The following EEPD1 variants were observed in gnomAD, a reference collection of about 807,000 sequenced individuals.
EEPD1 encodes the protein endonuclease/exonuclease/phosphatase family domain containing 1, also known as endonuclease/exonuclease/phosphatase family domain-containing protein 1.
Under a neutral mutation model 46.3 loss-of-function variants are expected in EEPD1, and 17 were observed. The ratio of observed to expected loss-of-function variants is 0.37; its 90% CI spans 0.25 to 0.55. EEPD1 has a LOEUF of 0.55. EEPD1 is among the 20% of genes least tolerant of loss of function. The probability of loss-of-function intolerance (pLI) is 0.83; values close to 1 mark genes in which losing one functional copy is unlikely to be tolerated. For missense variants in EEPD1, 673 were observed against 745.6 expected, an observed-to-expected ratio of 0.90 and a Z score of 1.13; for synonymous variants, 313 against 315.6, an observed-to-expected ratio of 0.99 and a Z score of 0.09.
chr7:36,274,882 A>G (rs1312943736), intron 3 of EEPD1, among the ~76,000 whole-genome samples: 1 of 152,102 alleles, frequency 6.6e-6, no homozygotes, highest in African/African-American at 2.4e-5. Context: ...TGCCTCTGTC[A>G]TTTGCCCTGT....
intron 3 of EEPD1, among the ~76,000 whole-genome samples, chr7:36,259,708 G>A (rs1161553850): frequency 1.3e-5 from 2 of 151,722 alleles, no homozygotes; most frequent in South Asian, 2.1e-4. Flanking sequence ...TAGAGACAGG[G>A]TTTCTCTATG....
At chr7:36,263,636 A>G (rs1786966829) in intron 3 of EEPD1, among the ~76,000 whole-genome samples, 1 of 152,226 alleles carries the variant, frequency 6.6e-6, no homozygotes, top group South Asian at 2.1e-4. Flanking sequence ...CTGGAAGAGA[A>G]GATGTCACGT....
chr7:36,154,700 C>T lies in EEPD1; in HGVS notation c.376C>T (p.His126Tyr). Residue 126 changes from histidine (H) to tyrosine (Y), a missense_variant, in exon 2 of 8, where the codon CAC (histidine) becomes TAC (tyrosine). By Grantham distance (83) the His-to-Tyr change is moderately conservative (BLOSUM62 2). Coordinates refer to ENST00000242108, the MANE Select transcript of EEPD1 (RefSeq NM_030636.3). The surrounding 1 kb of genome is among the most constrained non-coding windows in gnomAD (Gnocchi z 4.2). ...CCTGCTAGCGGAGCAGCAGCCTCACCACCTGGCCACAGCTGTGCCCCTCAC... is the reference window on the plus strand; with the variant it reads ...CCTGCTAGCGGAGCAGCAGCCTCACTACCTGGCCACAGCTGTGCCCCTCAC... Reference protein sequence around the residue: ...RDLLAEQQPHHLATAVPLTPR... With the variant: ...RDLLAEQQPHYLATAVPLTPR... 1 of 1,613,860 alleles carries T rather than the reference C, an allele frequency of 6.2e-7. No individual in the cohort carries two copies. Among genetic ancestry groups the T allele is most frequent in the African/African-American group, 1.3e-5 (1 of 75,034 alleles).
chr7:36,229,929 C>G (rs1240862048), intron 2 of EEPD1, among the ~76,000 whole-genome samples: 1 of 152,078 alleles, frequency 6.6e-6, no homozygotes, highest in Non-Finnish European at 1.5e-5. Flanking sequence ...CTCCTGATGT[C>G]CAAATCTATA....
chr7:36,234,849 C>T (rs1786401416), intron 2 of EEPD1, among the ~76,000 whole-genome samples: 1 of 151,948 alleles, frequency 6.6e-6, no homozygotes, highest in Non-Finnish European at 1.5e-5. Flanking sequence ...GACCCACTCC[C>T]TAAACAGCCC....
intron 2 of EEPD1, among the ~76,000 whole-genome samples, chr7:36,214,114 C>G (rs977360074): frequency 3.3e-5 from 5 of 152,062 alleles, no homozygotes; most frequent in Non-Finnish European, 7.4e-5. Flanking sequence ...AAAGAGCAAG[C>G]TGTCTTAGAG....
rs182844353 is a variant in EEPD1, at chr7:36,243,633, T to G, written c.930+4597T>G. On this transcript the variant is annotated intron_variant, in intron 3 of 7. Coordinates refer to ENST00000242108, the MANE Select transcript of EEPD1 (RefSeq NM_030636.3). ...GGGGACCTGCACAGGCCTCCTCTTT[T>G]AAGATGGAAGCTATTCTAAAGGGGC... Among the ~76,000 whole-genome samples, 369 of 152,304 alleles carry G rather than the reference T, an allele frequency of 2.4e-3. 1 individual carries two copies. The highest frequency in any genetic ancestry group is 8.3e-3 in the African/African-American group (345 of 41,568).
chr7:36,261,630 T>A (rs959647533), intron 3 of EEPD1, among the ~76,000 whole-genome samples: 8 of 152,362 alleles, frequency 5.3e-5, no homozygotes, highest in African/African-American at 1.9e-4. Flanking sequence ...TTTTCATTAA[T>A]GATTCATTCA....
intron 2 of EEPD1, among the ~76,000 whole-genome samples, chr7:36,190,850 G>A (rs956984203): frequency 1.3e-5 from 2 of 152,190 alleles, no homozygotes; most frequent in East Asian, 1.9e-4. Context: ...GGTAAGGGTC[G>A]TTATCCTTCC....
chr7:36,176,506 G>A lies in EEPD1; in HGVS notation c.878+21304G>A, dbSNP rs142224107. Among the ~76,000 whole-genome samples the A allele has an allele frequency of 7.0e-3, 1,059 of 152,320 alleles. 10 individuals carry two copies. The highest frequency in any genetic ancestry group is 0.025 in the African/African-American group (1,029 of 41,576). ...GTTATTTCGGTTCAGATGCTATGTC[G>A]TAGCGCTATGATAGCTGTGAACATG... On this transcript the variant is annotated intron_variant, in intron 2 of 7. Coordinates refer to ENST00000242108, the MANE Select transcript of EEPD1 (RefSeq NM_030636.3).
chr7:36,200,162 T>G, intron 2 of EEPD1, among the ~76,000 whole-genome samples: 1 of 152,040 alleles, frequency 6.6e-6, no homozygotes, highest in South Asian at 2.1e-4. Flanking sequence ...ACCCCTAGTG[T>G]GTGTTGTTCC....
intron 3 of EEPD1, among the ~76,000 whole-genome samples, chr7:36,262,910 G>A (rs967174824): frequency 1.1e-4 from 16 of 152,222 alleles, no homozygotes; most frequent in African/African-American, 3.4e-4. Flanking sequence ...TTTTACAACC[G>A]CCTGACCATC....
intron 4 of EEPD1, among the ~76,000 whole-genome samples, chr7:36,282,099 G>A (rs563123415): frequency 6.6e-5 from 10 of 152,322 alleles, no homozygotes; most frequent in African/African-American, 2.4e-4. Context: ...GTTTGGGGGT[G>A]TAAATGGCTC....
chr7:36,281,324 CG>C (rs1418177619), intron 4 of EEPD1, 99 bp downstream of exon 4: 2 of 1,077,536 alleles, frequency 1.9e-6, no homozygotes, highest in African/African-American at 3.1e-5. Context: ...CCAATATCCC[CG>C]GTTCAATTTT....
At chr7:36,263,098 G>A (rs1786956819) in intron 3 of EEPD1, among the ~76,000 whole-genome samples, 1 of 152,182 alleles carries the variant, frequency 6.6e-6, no homozygotes. Context: ...AGCTACTTGG[G>A]AGGCTGAGGA....
At chr7:36,166,454 C>T (rs1284055649) in intron 2 of EEPD1, among the ~76,000 whole-genome samples, 1 of 152,122 alleles carries the variant, frequency 6.6e-6, no homozygotes, top group Non-Finnish European at 1.5e-5. Flanking sequence ...GGAGAAGTGG[C>T]TCATGCCTGT....
At chr7:36,294,945 A>C (rs1401910491) in intron 6 of EEPD1, among the ~76,000 whole-genome samples, 1 of 152,144 alleles carries the variant, frequency 6.6e-6, no homozygotes, top group Non-Finnish European at 1.5e-5. Context: ...TGGGAAGCCG[A>C]AGTGAGCGGA....
chr7:36,219,433 G>A (rs1786092921), intron 2 of EEPD1, among the ~76,000 whole-genome samples: 1 of 151,614 alleles, frequency 6.6e-6, no homozygotes, highest in South Asian at 2.1e-4. Flanking sequence ...CAGCACTTTG[G>A]GAGGCCGAGG....
intron 3 of EEPD1, among the ~76,000 whole-genome samples, chr7:36,261,349 C>T (rs1298100396): frequency 2.0e-5 from 3 of 152,152 alleles, no homozygotes; most frequent in Non-Finnish European, 4.4e-5. Flanking sequence ...TTGGGTATAT[C>T]CTAAGCACTT....
Sources: gnomAD v4.1 joint callset for allele counts (sites outside exome capture counted in the v4.1 genomes callset) on GRCh38, gnomAD v4.1.1 for gene constraint, Gnocchi (gnomAD v3.1) non-coding constraint, MANE v1.5 for transcripts, NCBI Gene and HGNC (gene_info 2026-07-23, HGNC 2026-07-21) for gene names.